Variants in PCDHGB2 observed in about 807,000 individuals in gnomAD.
PCDHGB2 encodes protocadherin gamma subfamily B, 2, also known as protocadherin gamma-B2.
PCDHGB2 carries 55 observed loss-of-function variants against 59.3 expected under a neutral mutation model. The ratio of observed to expected loss-of-function variants is 0.93; its 90% CI spans 0.75 to 1.16. The LOEUF is 1.16. Among genes scored for constraint, PCDHGB2 ranks in the 50% most tolerant of loss-of-function variants. The pLI is 0.00. For missense variants in PCDHGB2, 1,228 were observed against 1,198.5 expected (o/e 1.02, Z -0.36); for synonymous variants, 516 against 512.0 (o/e 1.01, Z -0.11).
intron 1 of PCDHGB2, chr5:141,416,038 G>T: frequency 5.1e-6 from 1 of 196,894 alleles, no homozygotes; most frequent in Non-Finnish European, 1.0e-5. Flanking sequence ...AATCACCTCT[G>T]GAAACACAAC....
chr5:141,479,490 G>A (rs1334340000), intron 1 of PCDHGB2: 1 of 152,248 alleles, frequency 6.6e-6, no homozygotes, highest in Non-Finnish European at 1.5e-5. Context: ...AGGACCATCA[G>A]GTTGCCTAAA....
intron 1 of PCDHGB2, among the ~76,000 whole-genome samples, chr5:141,368,930 A>G (rs182609850): frequency 1.4e-4 from 22 of 152,346 alleles, no homozygotes; most frequent in Middle Eastern, 3.4e-3. Flanking sequence ...GTGTCTGTCT[A>G]GAATTCTGGT....
intron 1 of PCDHGB2, among the ~76,000 whole-genome samples, chr5:141,370,010 TAAC>T (rs1460058955): frequency 6.6e-6 from 1 of 152,172 alleles, no homozygotes; most frequent in African/African-American, 2.4e-5. Context: ...TTAAAAGAAA[TAAC>T]AGACTAAAGA....
rs61612330 is a variant in PCDHGB2 at position 141,454,796 on chromosome 5, A to ATTTTTTTTTTTTTTTT, written c.2422-39997_2422-39982dup. Among the ~76,000 whole-genome samples the ATTTTTTTTTTTTTTTT allele has an allele frequency of 1.2e-3, 96 of 77,456 alleles. 8 individuals are homozygous for ATTTTTTTTTTTTTTTT. The highest frequency in any genetic ancestry group is 2.0e-3 in the South Asian group (4 of 1,960). 50.8% of individuals were successfully genotyped at this position (77,456 alleles called of 152,430 possible). A position where few individuals can be genotyped will look rare whatever the true frequency, so the allele number is the denominator to read the frequency against. ...AAGGAAATAATCCTCCATGGTTCTA[A>ATTTTTTTTTTTTTTTT]TTTTTTTTTTTTTTTTTTTTTTTTT... On this transcript the variant is annotated intron_variant, in intron 1 of 3. Coordinates refer to ENST00000522605, the MANE Select transcript of PCDHGB2 (RefSeq NM_018923.3).
chr5:141,402,324 A>G (rs895598623), intron 1 of PCDHGB2, among the ~76,000 whole-genome samples: 2 of 152,012 alleles, frequency 1.3e-5, no homozygotes, highest in Admixed American at 1.3e-4. Context: ...TTTTACATTT[A>G]CAAATATATA....
intron 1 of PCDHGB2, chr5:141,405,642 T>C (rs2094697537): frequency 1.9e-6 from 1 of 528,606 alleles, no homozygotes; most frequent in Non-Finnish European, 3.3e-6. Flanking sequence ...GCCCGGCTAA[T>C]TTTTTGTGTG....
chr5:141,511,077 T>C lies in PCDHGB2; in HGVS notation c.2700T>C (p.Asn900=), dbSNP rs1279500774. ...YRQNVYIPGS[N]ATLTNAAGKR... is the part of the protein sequence containing the mutation. ...AGAATGTCTACATCCCAGGCAGCAA[T>C]GCCACACTGACCAACGCAGCTGGCA... is the stretch of plus-strand genomic sequence containing the variant. Residue 900 remains asparagine, a synonymous_variant, in exon 4 of 4, where the codon AAT becomes AAC. Transcript: ENST00000522605. 5 of 1,614,062 alleles carry C rather than the reference T, an allele frequency of 3.1e-6. No individual in the cohort carries two copies. The African/African-American group carries it at 6.7e-5, about 22-fold the overall frequency.
rs200873701 is a variant in PCDHGB2, at chr5:141,375,789, C to T, written c.2421+13233C>T. ...GAGATCCTGTACCCCGCCCTCCCCA[C>T]AGACGGTTCCACTGGCGTGGAGCTG... On this transcript the variant is annotated intron_variant, in intron 1 of 3. Coordinates refer to ENST00000522605, the MANE Select transcript of PCDHGB2 (RefSeq NM_018923.3). The T allele has an allele frequency of 7.9e-5, 128 of 1,614,258 alleles. No individual in the cohort carries two copies. The Middle Eastern group carries it at 1.8e-3, about 23-fold the overall frequency.
At chr5:141,365,595 T>C (rs746207657) in intron 1 of PCDHGB2, 1 of 1,613,672 alleles carries the variant, frequency 6.2e-7, no homozygotes, top group Admixed American at 1.7e-5. Context: ...AATATCACTT[T>C]AACCGTCATG....
intron 1 of PCDHGB2, chr5:141,372,081 C>T: frequency 1.2e-6 from 2 of 1,613,734 alleles, no homozygotes; most frequent in Non-Finnish European, 8.5e-7. Flanking sequence ...ACCGCTGGTG[C>T]TGTACCCAGC....
At chr5:141,502,862 CTGTCT>C (rs2099816366) in intron 2 of PCDHGB2, among the ~76,000 whole-genome samples, 2 of 68,560 alleles carry the variant, frequency 2.9e-5, no homozygotes, top group Admixed American at 3.3e-4. Flanking sequence ...CCCTGACTCT[CTGTCT>C]TTTTTTTTTT....
At chr5:141,474,893 T>C (rs1406276730) in intron 1 of PCDHGB2, among the ~76,000 whole-genome samples, 1 of 152,256 alleles carries the variant, frequency 6.6e-6, no homozygotes, top group East Asian at 1.9e-4. Flanking sequence ...TAGAGGTTCA[T>C]TTCTTGTTCA....
Position 141,421,313 on chromosome 5 carries a change from C to T in PCDHGB2, c.2421+58757C>T, listed in dbSNP as rs201429116. 461 of 1,613,716 alleles carry T rather than the reference C, an allele frequency of 2.9e-4. No homozygotes were observed. Among genetic ancestry groups the T allele is most frequent in the Non-Finnish European group, 3.7e-4 (436 of 1,179,850 alleles). On this transcript the variant is annotated intron_variant, in intron 1 of 3. Coordinates refer to ENST00000522605, the MANE Select transcript of PCDHGB2 (RefSeq NM_018923.3). ...CTGGGGACGCTGCGGGGGTTCCGGGCCAGGCAGATCCGATATTCGGTGCCA... is the reference window on the plus strand; with the variant it reads ...CTGGGGACGCTGCGGGGGTTCCGGGTCAGGCAGATCCGATATTCGGTGCCA...
chr5:141,413,442 C>T, intron 1 of PCDHGB2: 5 of 1,614,090 alleles, frequency 3.1e-6, no homozygotes, highest in Non-Finnish European at 8.5e-7. Flanking sequence ...GCAGCTTGAT[C>T]ACCGCGGGCA....
At position 141,490,908 on chromosome 5, in the gene PCDHGB2, C is replaced by G; in HGVS notation, c.2422-3899C>G. On this transcript the variant is annotated intron_variant, in intron 1 of 3. Transcript: ENST00000522605. This position sits in a 1 kb window ranked among gnomAD's most constrained non-coding sequence, Gnocchi z 5.4. ...CATCTCTGCATGTGTTTGTCCTAGA[C>G]GAGAATGATAATGCCCCAGCTGTGC... The G allele has an allele frequency of 6.2e-7, 1 of 1,613,710 alleles. No individual in the cohort carries two copies. Among genetic ancestry groups the G allele is most frequent in the Non-Finnish European group, 8.5e-7 (1 of 1,179,754 alleles).
chr5:141,372,735 C>T, intron 1 of PCDHGB2: 1 of 1,613,346 alleles, frequency 6.2e-7, no homozygotes, highest in African/African-American at 1.3e-5. Flanking sequence ...ACAAGATCTT[C>T]TATGTGATGA....
intron 1 of PCDHGB2, among the ~76,000 whole-genome samples, chr5:141,494,392 A>C (rs1296077484): frequency 1.3e-5 from 2 of 152,258 alleles, no homozygotes; most frequent in East Asian, 3.9e-4. Flanking sequence ...GAGTTGAATA[A>C]ATTCATTCTA....
chr5:141,409,018 G>A (rs369210340), intron 1 of PCDHGB2: 31 of 1,613,814 alleles, frequency 1.9e-5, no homozygotes, highest in Non-Finnish European at 2.5e-5. Context: ...AGGATGAGGG[G>A]GTCAATGCTG....
chr5:141,494,759 C>A (rs776923097), intron 1 of PCDHGB2, 48 bp from the exon 2 acceptor site: 3 of 1,613,886 alleles, frequency 1.9e-6, no homozygotes, highest in Non-Finnish European at 2.5e-6. Context: ...GGGTGACATT[C>A]TAACTTCTCA....
Sources: allele counts gnomAD v4.1 joint callset (sites outside exome capture counted in the v4.1 genomes callset), GRCh38; gene constraint gnomAD v4.1.1; non-coding constraint Gnocchi (gnomAD v3.1); transcripts MANE v1.5; gene names NCBI Gene and HGNC (gene_info 2026-07-23, HGNC 2026-07-21).